Variants in BABAM2 observed in about 807,000 individuals in gnomAD.
The protein encoded by BABAM2 is BRISC and BRCA1 A complex member 2, also known as BRISC and BRCA1-A complex member 2.
BABAM2 carries 31 observed loss-of-function variants against 54.7 expected under a neutral mutation model. The ratio of observed to expected loss-of-function variants is 0.57; its 90% confidence interval spans 0.43 to 0.77. BABAM2 has a LOEUF of 0.77. Ranked by LOEUF, BABAM2 falls within the 30% of genes least tolerant of loss-of-function variation. The pLI is 0.00. For synonymous variants in BABAM2, 167 were observed against 162.9 expected (o/e 1.03, Z -0.19); for missense variants, 364 against 455.8 (o/e 0.80, Z 1.83).
intron 4 of BABAM2, among the ~76,000 whole-genome samples, chr2:27,991,417 T>G (rs928164912): frequency 6.6e-6 from 1 of 152,224 alleles, no homozygotes; most frequent in South Asian, 2.1e-4. Flanking sequence ...GCCGTACAAT[T>G]CACCTAAAGT....
chr2:28,333,884 T>TA, intron 11 of BABAM2, among the ~76,000 whole-genome samples: 1 of 152,256 alleles, frequency 6.6e-6, no homozygotes, highest in African/African-American at 2.4e-5. Flanking sequence ...AGATGACAGA[T>TA]ACCTCTTGCC....
chr2:28,322,320 C>T lies in BABAM2; in HGVS notation c.1089-16130C>T, dbSNP rs201761217. On this transcript the variant is annotated intron_variant, in intron 11 of 11. Transcript: ENST00000379624. This position sits in a 1 kb window ranked among gnomAD's most constrained non-coding sequence, Gnocchi z 4.1. Reference sequence around the variant, plus strand: ...GGTGACCACAGAAGTAGACAACTTACGAACCAGAAACATCAACCAGCAACC... The same window carrying T: ...GGTGACCACAGAAGTAGACAACTTATGAACCAGAAACATCAACCAGCAACC... Among the ~76,000 whole-genome samples, 6 of 152,202 alleles carry T rather than the reference C, an allele frequency of 3.9e-5. No individual in the cohort carries two copies. The highest frequency in any genetic ancestry group is 1.9e-4 in the East Asian group (1 of 5,184).
At chr2:28,004,715 T>TG (rs985065877) in intron 4 of BABAM2, among the ~76,000 whole-genome samples, 107 of 151,646 alleles carry the variant, frequency 7.1e-4, no homozygotes, top group African/African-American at 2.4e-3. Context: ...GGTTAAGATA[T>TG]GGGGTCTCTG....
At chr2:28,247,393 T>C (rs892317910) in intron 10 of BABAM2, among the ~76,000 whole-genome samples, 9 of 152,236 alleles carry the variant, frequency 5.9e-5, no homozygotes, top group African/African-American at 2.2e-4. Context: ...CTTGGTTAGA[T>C]AATGTGTTTT....
At chr2:28,333,495 G>A (rs1289889025) in intron 11 of BABAM2, among the ~76,000 whole-genome samples, 1 of 152,214 alleles carries the variant, frequency 6.6e-6, no homozygotes, top group Middle Eastern at 3.2e-3. Context: ...TGCCATGCCT[G>A]TGAGCTGAAG....
intron 7 of BABAM2, among the ~76,000 whole-genome samples, chr2:28,182,953 A>G (rs1006639708): frequency 1.4e-4 from 21 of 152,180 alleles, no homozygotes; most frequent in Admixed American, 8.5e-4. Context: ...CAACCCTTCC[A>G]CTTACTTTAC....
intron 6 of BABAM2, among the ~76,000 whole-genome samples, chr2:28,076,643 C>T (rs796772180): frequency 3.9e-5 from 6 of 151,908 alleles, no homozygotes; most frequent in African/African-American, 1.4e-4. Flanking sequence ...CTACAGGTGC[C>T]CACCACCATG....
chr2:28,195,827 A>C lies in BABAM2; in HGVS notation c.681-41375A>C, dbSNP rs1359454045. Among the ~76,000 whole-genome samples, 4 of 152,348 alleles carry C rather than the reference A, an allele frequency of 2.6e-5. No individual in the cohort carries two copies. The South Asian group carries it at 8.3e-4, about 32-fold the overall frequency. ...GTGAAAATTCAAGTCTACCTAATTC[A>C]AAAGTAGTTTTGAGCAAGCCTAATG... On this transcript the variant is annotated intron_variant, in intron 7 of 11. Coordinates refer to ENST00000379624, the MANE Select transcript of BABAM2 (RefSeq NM_199191.3).
chr2:28,038,215 C>T (rs2148594655), intron 5 of BABAM2, among the ~76,000 whole-genome samples: 1 of 152,190 alleles, frequency 6.6e-6, no homozygotes, highest in Non-Finnish European at 1.5e-5. Flanking sequence ...TTAGACTTTT[C>T]CTGCCTGGTG....
chr2:27,984,234 C>T (rs1573326430), intron 3 of BABAM2, among the ~76,000 whole-genome samples: 1 of 151,982 alleles, frequency 6.6e-6, no homozygotes, highest in Non-Finnish European at 1.5e-5. Context: ...TATCTTTGCT[C>T]TGTTAACTTT....
chr2:28,279,444 A>G (rs1178888181), intron 10 of BABAM2, among the ~76,000 whole-genome samples: 2 of 152,164 alleles, frequency 1.3e-5, no homozygotes, highest in African/African-American at 2.4e-5. Flanking sequence ...AGTAGGAGCC[A>G]GTCAGTCCTT....
At chr2:28,024,331 G>A (rs1328050029) in intron 4 of BABAM2, among the ~76,000 whole-genome samples, 2 of 151,918 alleles carry the variant, frequency 1.3e-5, no homozygotes, top group Non-Finnish European at 1.5e-5. Flanking sequence ...GCGTGAACCC[G>A]GGAGGCGGAG....
At chr2:28,112,153 C>CTCTTTCTTT (rs1558346881) in intron 6 of BABAM2, among the ~76,000 whole-genome samples, 1 of 7,922 alleles carries the variant, frequency 1.3e-4, no homozygotes, top group Non-Finnish European at 2.0e-4. Flanking sequence ...TTCTTTACCT[C>CTCTTTCTTT]CCTCCCTCCC....
intron 11 of BABAM2, among the ~76,000 whole-genome samples, chr2:28,338,215 A>T (rs1205811100): frequency 2.0e-5 from 3 of 152,214 alleles, no homozygotes; most frequent in African/African-American, 7.2e-5. Context: ...GGCAGCCAGG[A>T]GGGTGCACGT....
intron 6 of BABAM2, among the ~76,000 whole-genome samples, chr2:28,074,990 G>T (rs1664521309): frequency 6.6e-6 from 1 of 152,062 alleles, no homozygotes; most frequent in Non-Finnish European, 1.5e-5. Flanking sequence ...GAAAAAGGAG[G>T]GCAAGTTGAT....
At chr2:28,089,555 G>C (rs1355473292) in intron 6 of BABAM2, among the ~76,000 whole-genome samples, 1 of 152,066 alleles carries the variant, frequency 6.6e-6, no homozygotes, top group Non-Finnish European at 1.5e-5. Flanking sequence ...TATTACTTTT[G>C]AAGTTATGAT....
chr2:27,936,092 A>T (rs1247717139), intron 3 of BABAM2, among the ~76,000 whole-genome samples: 1 of 151,822 alleles, frequency 6.6e-6, no homozygotes, highest in East Asian at 1.9e-4. Context: ...GTTAATTTTT[A>T]TATTTTTAGT....
chr2:28,058,752 A>C (rs1465683151), intron 6 of BABAM2, among the ~76,000 whole-genome samples: 1 of 152,170 alleles, frequency 6.6e-6, no homozygotes, highest in South Asian at 2.1e-4. Flanking sequence ...GAAACATTAA[A>C]AGCAGCTGAC....
intron 6 of BABAM2, among the ~76,000 whole-genome samples, chr2:28,066,338 C>T (rs1420417250): frequency 6.6e-6 from 1 of 151,994 alleles, no homozygotes; most frequent in Non-Finnish European, 1.5e-5. Context: ...AGTAATATGA[C>T]AGCTTAAAAG....
Sources: allele counts gnomAD v4.1 joint callset (sites outside exome capture counted in the v4.1 genomes callset), GRCh38; gene constraint gnomAD v4.1.1; non-coding constraint Gnocchi (gnomAD v3.1); transcripts MANE v1.5; gene names NCBI Gene and HGNC (gene_info 2026-07-23, HGNC 2026-07-21).